Variants in MARK4 observed in about 807,000 individuals in gnomAD.
The protein encoded by MARK4 is MAP/microtubule affinity-regulating kinase 4.
MARK4 carries 19 observed loss-of-function variants against 81.5 expected under a neutral mutation model. The observed-to-expected ratio is 0.23, with a 90% CI of 0.16 to 0.34. The LOEUF (loss-of-function observed/expected upper bound fraction) is 0.34, where lower values mean the gene tolerates loss of function less well. Ranked by LOEUF, MARK4 falls within the 10% of genes least tolerant of loss-of-function variation. The pLI, the probability that MARK4 is intolerant of heterozygous loss-of-function variation, is 1.00. For synonymous variants in MARK4, 436 were observed against 439.0 expected, an observed-to-expected ratio of 0.99 and a Z score of 0.08; for missense variants, 772 against 1,058.8, an observed-to-expected ratio of 0.73 and a Z score of 3.76.
At chr19:45,264,972 AGCTGG>A (rs1970432278) in intron 6 of MARK4, 62 bp downstream of exon 6, 2 of 1,559,244 alleles carry the variant, frequency 1.3e-6, no homozygotes, top group African/African-American at 2.7e-5. Flanking sequence ...GGCGTCTGAG[AGCTGG>A]GCATGGTCTG....
At chr19:45,254,111 G>A (rs1006047085) in intron 1 of MARK4, among the ~76,000 whole-genome samples, 13 of 152,090 alleles carry the variant, frequency 8.5e-5, no homozygotes, top group Admixed American at 5.9e-4. Context: ...CTACAGCCAC[G>A]TGGGGTCATG....
In MARK4 at chr19:45,280,369, C is replaced by T. The variant is rs548689293; in HGVS notation, c.1007-5C>T. On this transcript the variant is annotated splice_polypyrimidine_tract_variant and splice_region_variant and intron_variant, in intron 10 of 16. Coordinates refer to ENST00000262891, the MANE Select transcript of MARK4 (RefSeq NM_001199867.2). ...CTGAAACTTCTCTCCATCCCCCCCT[C>T]CCAGAGGTGATGGTGGGTATGGGCT... The T allele has an allele frequency of 1.4e-5, 23 of 1,611,984 alleles. No individual in the cohort carries two copies. In the South Asian group the frequency reaches 2.4e-4, roughly 17 times the overall value.
chr19:45,261,389 T>C (rs1175641974), intron 2 of MARK4, among the ~76,000 whole-genome samples: 1 of 152,210 alleles, frequency 6.6e-6, no homozygotes, highest in Non-Finnish European at 1.5e-5. Context: ...GAATGCAAAG[T>C]TCTTTTCCCT....
At chr19:45,252,207 C>T (rs1362535735) in intron 1 of MARK4, among the ~76,000 whole-genome samples, 1 of 151,978 alleles carries the variant, frequency 6.6e-6, no homozygotes, top group Non-Finnish European at 1.5e-5. Flanking sequence ...AAGCTGGTTT[C>T]CACCTCTCCT....
chr19:45,277,659 C>T lies in MARK4; in HGVS notation c.787-264C>T, dbSNP rs769206101. The stretch of plus-strand genomic sequence containing the variant: ...AGCGATCCTCCGGTCTTGGCCTCTA[C>T]GCCTGGCCAAGAATTTTTTTTTTTA... On this transcript the variant is annotated intron_variant, in intron 8 of 16. Coordinates refer to ENST00000262891, the MANE Select transcript of MARK4 (RefSeq NM_001199867.2). 5.9e-5 allele frequency among the ~76,000 whole-genome samples: 9 copies of T among 151,938 alleles called. No homozygotes were observed. The East Asian group carries it at 9.7e-4, about 16-fold the overall frequency.
intron 2 of MARK4, among the ~76,000 whole-genome samples, chr19:45,262,017 G>A (rs1342642565): frequency 6.6e-6 from 1 of 152,088 alleles, no homozygotes; most frequent in Non-Finnish European, 1.5e-5. Context: ...GTATCTCAAA[G>A]CTGTTTTAAA....
At position 45,263,383 on chromosome 19, in the gene MARK4, G is replaced by C. The variant is rs1456118019; in HGVS notation, c.355+16G>C. ...CCCAACATCGGTGAGGAGGGAATGG[G>C]AGCAGGGGCAGGCCACCAACTGGAA... is the stretch of plus-strand genomic sequence containing the variant. On this transcript the variant is annotated intron_variant, in intron 4 of 16. Coordinates refer to ENST00000262891, the MANE Select transcript of MARK4 (RefSeq NM_001199867.2). 1 of 1,614,132 alleles carries C rather than the reference G, an allele frequency of 6.2e-7. No individual in the cohort carries two copies. The highest frequency in any genetic ancestry group is 8.5e-7 in the Non-Finnish European group (1 of 1,180,006).
At chr19:45,266,116 C>A in intron 6 of MARK4, 109 bp from the exon 7 acceptor site, 1 of 1,087,588 alleles carries the variant, frequency 9.2e-7, no homozygotes, top group Non-Finnish European at 1.4e-6. Flanking sequence ...AGATCTCAGG[C>A]TGTGCCTTGG....
chr19:45,267,505 C>T (rs345419), intron 7 of MARK4, among the ~76,000 whole-genome samples: 3,479 of 152,244 alleles, frequency 0.023, 142 homozygotes, highest in African/African-American at 0.078. Flanking sequence ...CCACACCTTC[C>T]GCTGTATGTC....
intron 8 of MARK4, among the ~76,000 whole-genome samples, chr19:45,275,400 G>A (rs1017648808): frequency 6.6e-6 from 1 of 152,044 alleles, no homozygotes; most frequent in Non-Finnish European, 1.5e-5. Flanking sequence ...TGGGAGAATT[G>A]CTTGAGCCCA....
rs770478941 is a variant in MARK4 at position 45,277,992 on chromosome 19, A to G, written c.856A>G (p.Ile286Val). The change falls in exon 9 of 17, where the codon ATC becomes GTC. Residue 286 changes from isoleucine (I) to valine (V), a missense_variant. Coordinates refer to ENST00000262891, the MANE Select transcript of MARK4 (RefSeq NM_001199867.2). ...PFYMSTDCESILRRFLVLNPA... is the reference protein window; with the variant it reads ...PFYMSTDCESVLRRFLVLNPA... ...CTACATGTCAACAGACTGTGAGAGCATCCTGCGGAGATTTTTGGTGCTGAA... is the reference window on the plus strand; with the variant it reads ...CTACATGTCAACAGACTGTGAGAGCGTCCTGCGGAGATTTTTGGTGCTGAA... The G allele has an allele frequency of 1.3e-5, 21 of 1,613,818 alleles. No homozygotes were observed. Among genetic ancestry groups the G allele is most frequent in the Non-Finnish European group, 1.8e-5 (21 of 1,179,984 alleles).
At chr19:45,253,191 AC>A (rs756102252) in intron 1 of MARK4, among the ~76,000 whole-genome samples, 2 of 145,382 alleles carry the variant, frequency 1.4e-5, no homozygotes, top group African/African-American at 2.6e-5. Context: ...AGACCCCCCC[AC>A]ACACACACAC....
intron 12 of MARK4, among the ~76,000 whole-genome samples, chr19:45,281,846 T>C (rs974641350): frequency 6.6e-6 from 1 of 152,202 alleles, no homozygotes; most frequent in African/African-American, 2.4e-5. Context: ...AAGGAGGCTC[T>C]GGAAGAGAGC....
intron 13 of MARK4, among the ~76,000 whole-genome samples, chr19:45,293,545 C>G (rs541166089): frequency 3.3e-5 from 5 of 152,158 alleles, no homozygotes; most frequent in African/African-American, 1.2e-4. Flanking sequence ...AAATTGAATT[C>G]GTAACTGAAA....
intron 12 of MARK4, among the ~76,000 whole-genome samples, chr19:45,281,501 C>CA (rs769696487): frequency 1.5e-4 from 23 of 151,806 alleles, no homozygotes; most frequent in Non-Finnish European, 2.8e-4. Context: ...GCCGGGATTA[C>CA]AGGCACCTGC....
chr19:45,300,068 G>A (rs1015016654), intron 16 of MARK4, among the ~76,000 whole-genome samples: 1 of 152,182 alleles, frequency 6.6e-6, no homozygotes. Context: ...TCAGCCTCCG[G>A]CTGGGTGCCA....
At chr19:45,277,397 C>G (rs1970611792) in intron 8 of MARK4, among the ~76,000 whole-genome samples, 1 of 151,432 alleles carries the variant, frequency 6.6e-6, no homozygotes, top group African/African-American at 2.4e-5. Context: ...ACTTTCTCTG[C>G]AAGTTTTCCT....
At chr19:45,294,165 C>T (rs542858593) in intron 13 of MARK4, among the ~76,000 whole-genome samples, 184 bp from the exon 14 acceptor site, 2 of 152,130 alleles carry the variant, frequency 1.3e-5, no homozygotes, top group Admixed American at 6.5e-5. Flanking sequence ...GACTCAGCCT[C>T]GGTGGCTGGG....
rs1369488450 is a variant in MARK4, at chr19:45,271,570, C to G, written c.648C>G (p.Cys216Trp). 6.2e-7 allele frequency: 1 copy of G among 1,614,112 alleles called. No homozygotes were observed. Among genetic ancestry groups the G allele is most frequent in the African/African-American group, 1.3e-5 (1 of 74,936 alleles). ...TGGGATCGAAGCTGGACACGTTCTG[C>G]GGGAGCCCCCCATATGCCGCCCCGG... ...FTLGSKLDTFCGSPPYAAPEL... is the reference protein window; with the variant it reads ...FTLGSKLDTFWGSPPYAAPEL... The change falls in exon 8 of 17, where the codon TGC becomes TGG. Residue 216 changes from cysteine to tryptophan, a missense_variant. Physicochemically the swap from Cys to Trp is radical, Grantham distance 215. Around this residue, in one of 3 missense-constraint regions of MARK4, gnomAD observed 109 missense variants for 294.7 expected, o/e 0.37. Transcript: ENST00000262891. This position sits in a 1 kb window ranked among gnomAD's most constrained non-coding sequence, Gnocchi z 4.1.
Sources: gnomAD v4.1 joint callset for allele counts (sites outside exome capture counted in the v4.1 genomes callset) on GRCh38, gnomAD v4.1.1 for gene constraint, gnomAD v4.1.1 regional missense constraint, Gnocchi (gnomAD v3.1) non-coding constraint, MANE v1.5 for transcripts, NCBI Gene and HGNC (gene_info 2026-07-23, HGNC 2026-07-21) for gene names.